NCALD: variants seen among roughly 807,000 people sequenced by gnomAD.
The protein encoded by NCALD is neurocalcin-delta.
NCALD carries 10 observed loss-of-function variants against 18.6 expected under a neutral mutation model. The observed-to-expected ratio is 0.54, with a 90% CI of 0.33 to 0.91. The LOEUF is 0.91. Ranked by LOEUF, NCALD falls within the 40% of genes least tolerant of loss-of-function variation. NCALD has a pLI of 0.03. For synonymous variants in NCALD, 88 were observed against 87.4 expected (o/e 1.01, Z -0.04); for missense variants, 184 against 247.6 (o/e 0.74, Z 1.72).
intron 1 of NCALD, among the ~76,000 whole-genome samples, chr8:102,072,411 G>A (rs892605417): frequency 2.0e-5 from 3 of 152,110 alleles, no homozygotes; most frequent in Non-Finnish European, 4.4e-5. Flanking sequence ...GATTTGTCAA[G>A]AGAAATATAT....
chr8:101,734,234 C>A (rs1163117616), intron 1 of NCALD, among the ~76,000 whole-genome samples: 3 of 152,186 alleles, frequency 2.0e-5, no homozygotes, highest in African/African-American at 7.2e-5. Context: ...TCAACCTCTC[C>A]CATTTTCTAA....
At chr8:101,748,745 A>G (rs770635610) in intron 1 of NCALD, among the ~76,000 whole-genome samples, 3 of 152,242 alleles carry the variant, frequency 2.0e-5, no homozygotes, top group Non-Finnish European at 4.4e-5. Context: ...CACAGCAAAC[A>G]AGTGGTAGAG....
intron 2 of NCALD, among the ~76,000 whole-genome samples, chr8:101,949,558 T>C (rs1819309366): frequency 6.6e-6 from 1 of 152,108 alleles, no homozygotes; most frequent in Non-Finnish European, 1.5e-5. Flanking sequence ...GTCTGTCATA[T>C]GGTAAGCTCC....
At chr8:101,759,900 T>C (rs1350003102) in intron 1 of NCALD, among the ~76,000 whole-genome samples, 1 of 152,146 alleles carries the variant, frequency 6.6e-6, no homozygotes, top group Non-Finnish European at 1.5e-5. Flanking sequence ...TGATCCCTGA[T>C]TAAACAATAC....
At chr8:101,777,354 G>A (rs1811835785) in intron 1 of NCALD, among the ~76,000 whole-genome samples, 1 of 152,196 alleles carries the variant, frequency 6.6e-6, no homozygotes, top group Non-Finnish European at 1.5e-5. Context: ...GAAAATTGTA[G>A]AACTGTATGG....
chr8:102,100,296 A>T (rs918132303), intron 1 of NCALD, among the ~76,000 whole-genome samples: 3 of 152,244 alleles, frequency 2.0e-5, no homozygotes, highest in African/African-American at 4.8e-5. Flanking sequence ...AACTAAACTC[A>T]AGGAGGAATA....
At chr8:102,051,457 A>G (rs1405907077) in intron 1 of NCALD, among the ~76,000 whole-genome samples, 2 of 152,256 alleles carry the variant, frequency 1.3e-5, no homozygotes, top group East Asian at 3.9e-4. Context: ...CACAGTTTCT[A>G]ATCCTGTCAA....
At chr8:101,757,973 T>G (rs867695200) in intron 1 of NCALD, among the ~76,000 whole-genome samples, 1 of 152,182 alleles carries the variant, frequency 6.6e-6, no homozygotes, top group African/African-American at 2.4e-5. Context: ...TTATTTTTTG[T>G]AGAAATGGGG....
intron 1 of NCALD, among the ~76,000 whole-genome samples, chr8:102,069,061 T>A (rs1391065761): frequency 2.0e-5 from 3 of 152,136 alleles, no homozygotes; most frequent in African/African-American, 7.2e-5. Flanking sequence ...TGGGGAGATG[T>A]TGTCCAAAGG....
rs926529194 is a variant in NCALD at position 101,858,168 on chromosome 8, C to T, written c.-20+28973G>A. On this transcript the variant is annotated intron_variant, in intron 4 of 6. Coordinates refer to the NCALD transcript ENST00000311028. ...CAGTAAAGGAATGTAAAAATTTACA[C>T]ACATAAAAGAGGATGAAGAAGAGAT... Among the ~76,000 whole-genome samples the T allele has an allele frequency of 4.4e-4, 63 of 143,790 alleles. 1 individual carries two copies. The highest frequency in any genetic ancestry group is 1.1e-4 in the Non-Finnish European group (7 of 65,972). The allele number at this position is 143,790 out of a possible 152,430, so 94.3% of individuals were successfully genotyped here. A position where few individuals can be genotyped will look rare whatever the true frequency, so the allele number is the denominator to read the frequency against.
chr8:102,058,515 T>A (rs1310125885), intron 1 of NCALD, among the ~76,000 whole-genome samples: 2 of 152,198 alleles, frequency 1.3e-5, no homozygotes, highest in Non-Finnish European at 2.9e-5. Flanking sequence ...CAGAATTAAG[T>A]CAGCTGCTGA....
intron 2 of NCALD, among the ~76,000 whole-genome samples, chr8:101,967,541 G>A (rs533709707): frequency 1.3e-5 from 2 of 152,194 alleles, no homozygotes; most frequent in African/African-American, 4.8e-5. Context: ...GTAGAAAGTC[G>A]AATCAATTGG....
chr8:101,975,358 T>G lies in NCALD; in HGVS notation c.-157+44879A>C, dbSNP rs540675246. 1.4e-4 allele frequency: 21 copies of G among 152,352 alleles called. No homozygotes were observed. In the East Asian group the frequency reaches 4.0e-3, roughly 29 times the overall value. 9.4% of individuals were successfully genotyped at this position (152,352 alleles called of 1,614,324 possible). ...GGAATCACCTGGAGAGCTGTTGAAC[T>G]ATGGCTCTCTAAGCCCCACCCCCGG... On this transcript the variant is annotated intron_variant, in intron 2 of 6. Coordinates refer to the NCALD transcript ENST00000311028.
chr8:101,710,425 C>G (rs1275444842), intron 2 of NCALD, among the ~76,000 whole-genome samples: 3 of 152,190 alleles, frequency 2.0e-5, no homozygotes, highest in Non-Finnish European at 4.4e-5. Flanking sequence ...GCCATTCACT[C>G]CCCTGGAAAG....
rs888371542 is a variant in NCALD, at chr8:101,739,275, AC to A, written c.-19-19628del. ...CCCCTTCTCAGTAGTGTCCTCTCTT[AC>A]CCCCCCAGTTAAAAAAATAATACCT... is the stretch of plus-strand genomic sequence containing the variant. On this transcript the variant is annotated intron_variant, in intron 1 of 3. Coordinates refer to ENST00000220931, the MANE Select transcript of NCALD (RefSeq NM_032041.3). 3.3e-5 allele frequency among the ~76,000 whole-genome samples: 5 copies of A among 150,440 alleles called. No homozygotes were observed. In the East Asian group the frequency reaches 5.9e-4, roughly 18 times the overall value.
intron 4 of NCALD, among the ~76,000 whole-genome samples, chr8:101,809,251 G>C (rs1318615840): frequency 6.6e-6 from 1 of 152,108 alleles, no homozygotes; most frequent in Non-Finnish European, 1.5e-5. Flanking sequence ...TGATGTCTAA[G>C]AAAAAGAAGA....
At chr8:101,884,110 T>A (rs1304186698) in intron 4 of NCALD, among the ~76,000 whole-genome samples, 1 of 152,210 alleles carries the variant, frequency 6.6e-6, no homozygotes, top group Non-Finnish European at 1.5e-5. Context: ...GCTCAATTCT[T>A]AGTAAGCTGC....
At chr8:101,940,200 T>C (rs1818905242) in intron 2 of NCALD, among the ~76,000 whole-genome samples, 1 of 152,212 alleles carries the variant, frequency 6.6e-6, no homozygotes, top group Non-Finnish European at 1.5e-5. Flanking sequence ...TAGAAATGAA[T>C]CTCAAATACT....
intron 1 of NCALD, among the ~76,000 whole-genome samples, chr8:102,074,503 A>G (rs921992682): frequency 6.6e-6 from 1 of 152,126 alleles, no homozygotes; most frequent in Non-Finnish European, 1.5e-5. Flanking sequence ...CCCCTAGGAG[A>G]CTGACCTAGC....
Sources: allele counts gnomAD v4.1 joint callset (sites outside exome capture counted in the v4.1 genomes callset), GRCh38; gene constraint gnomAD v4.1.1; transcripts MANE v1.5; gene names NCBI Gene and HGNC (gene_info 2026-07-23, HGNC 2026-07-21).